Variants in ADGRG2 observed in about 807,000 individuals in gnomAD.
ADGRG2 encodes the protein G protein-coupled receptor 64.
ADGRG2 carries 26 observed loss-of-function variants against 74.1 expected under a neutral mutation model. That is an observed-to-expected ratio of 0.35 (90% CI 0.26 to 0.49). The LOEUF is 0.49. Among genes scored for constraint, ADGRG2 ranks in the 20% least tolerant of loss-of-function variants. ADGRG2 has a pLI of 0.99. For missense variants in ADGRG2, 619 were observed against 763.1 expected (o/e 0.81, Z 2.22); for synonymous variants, 296 against 295.2 (o/e 1.00, Z -0.03).
At chrX:19,046,139 C>A (rs1050359386) in intron 3 of ADGRG2, among the ~76,000 whole-genome samples, 2 of 112,518 alleles carry the variant, frequency 1.8e-5, no homozygotes, top group Non-Finnish European at 3.8e-5. Flanking sequence ...GCTGGGACTA[C>A]AGAGGTGTGG....
intron 11 of ADGRG2, among the ~76,000 whole-genome samples, chrX:19,026,480 G>A (rs754741828): frequency 1.9e-5 from 2 of 106,802 alleles, no homozygotes; most frequent in Admixed American, 2.0e-4. Flanking sequence ...TTGACTTACT[G>A]TTTAACTGGG....
rs151329689 is a variant in ADGRG2 at position 19,000,293 on chromosome X, G to A, written c.2231-333C>T. The stretch of plus-strand genomic sequence containing the variant: ...ATTGCAGGCGTGAGCCACCGCACCC[G>A]GCTGGTCACACCTAGTTCTAATAAC... On this transcript the variant is annotated intron_variant, in intron 24 of 28. Transcript: ENST00000379869. Among the ~76,000 whole-genome samples, 759 of 111,397 alleles carry A rather than the reference G, an allele frequency of 6.8e-3. 1 individual carries two copies. Among genetic ancestry groups the A allele is most frequent in the South Asian group, 0.015 (41 of 2,690 alleles).
At chrX:19,048,868 T>C (rs1268958329) in intron 3 of ADGRG2, among the ~76,000 whole-genome samples, 3 of 112,447 alleles carry the variant, frequency 2.7e-5, no homozygotes, top group African/African-American at 9.7e-5. Context: ...TCTGACGACA[T>C]GTAAATGCTG....
intron 1 of ADGRG2, among the ~76,000 whole-genome samples, chrX:19,106,876 T>C (rs1452634028): frequency 2.7e-5 from 3 of 109,140 alleles, no homozygotes; most frequent in Non-Finnish European, 3.8e-5. Flanking sequence ...GCCGAGATCA[T>C]GCCACTGCAC....
At chrX:18,999,701 A>G (rs1268867946) in intron 25 of ADGRG2, among the ~76,000 whole-genome samples, 160 bp downstream of exon 25, 1 of 112,187 alleles carries the variant, frequency 8.9e-6, no homozygotes. Flanking sequence ...ATTTCCAGCT[A>G]GCTTCTCTCA....
At chrX:19,101,101 T>TG (rs2062180545) in intron 1 of ADGRG2, among the ~76,000 whole-genome samples, 1 of 89,844 alleles carries the variant, frequency 1.1e-5, no homozygotes, top group African/African-American at 4.1e-5. Context: ...AATCATGAGA[T>TG]TGTGTGTGTG....
intron 1 of ADGRG2, among the ~76,000 whole-genome samples, chrX:19,094,507 G>A (rs1179440503): frequency 9.0e-6 from 1 of 111,144 alleles, no homozygotes; most frequent in African/African-American, 3.3e-5. Context: ...GAGAGAGGAG[G>A]AGGAGGTATG....
chrX:19,018,681 C>A (rs2060520913), intron 15 of ADGRG2, among the ~76,000 whole-genome samples: 1 of 111,410 alleles, frequency 9.0e-6, no homozygotes, highest in Admixed American at 9.6e-5. Flanking sequence ...TCTCAGATCA[C>A]TGGGGAAAAG....
chrX:19,107,049 T>C (rs1404079565), intron 1 of ADGRG2, among the ~76,000 whole-genome samples: 1 of 111,219 alleles, frequency 9.0e-6, no homozygotes, highest in East Asian at 2.8e-4. Context: ...CATCCATCAG[T>C]GGGCAACGGG....
At chrX:19,113,867 G>A (rs763853238) in intron 1 of ADGRG2, among the ~76,000 whole-genome samples, 3 of 110,829 alleles carry the variant, frequency 2.7e-5, no homozygotes, top group East Asian at 5.6e-4. Context: ...CCAGGAATTC[G>A]AGACCAACCT....
At position 19,115,641 on chromosome X, in the gene ADGRG2, G is replaced by C. The variant is rs148123149; in HGVS notation, c.-47+6801C>G. On this transcript the variant is annotated intron_variant, in intron 1 of 28. Transcript: ENST00000379869. The stretch of plus-strand genomic sequence containing the variant: ...AGAATAGGGAGTAAAGGAGGTACCA[G>C]TGAGGCCCTAGGGATTGATTGTAAG... 4.9e-3 allele frequency among the ~76,000 whole-genome samples: 541 copies of C among 111,403 alleles called. 3 individuals are homozygous for C. Among genetic ancestry groups the C allele is most frequent in the African/African-American group, 0.017 (510 of 30,644 alleles).
intron 1 of ADGRG2, among the ~76,000 whole-genome samples, chrX:19,107,971 G>GGA: frequency 9.4e-6 from 1 of 106,669 alleles, no homozygotes; most frequent in Non-Finnish European, 1.9e-5. Context: ...GTGGTGGCAC[G>GGA]CACCTGTAGT....
At chrX:19,084,796 A>G (rs2061912144) in intron 1 of ADGRG2, among the ~76,000 whole-genome samples, 1 of 112,097 alleles carries the variant, frequency 8.9e-6, no homozygotes, top group African/African-American at 3.2e-5. Flanking sequence ...TTAATGAACA[A>G]CAGGAGGCTC....
At chrX:19,053,588 C>A (rs2061361816) in intron 3 of ADGRG2, among the ~76,000 whole-genome samples, 1 of 111,779 alleles carries the variant, frequency 8.9e-6, no homozygotes. Context: ...CCCATCTGCA[C>A]TTCAGTTTCC....
intron 1 of ADGRG2, among the ~76,000 whole-genome samples, chrX:19,106,919 C>CA (rs764991533): frequency 0.07 from 7,185 of 102,921 alleles, 649 homozygotes; most frequent in African/African-American, 0.24. Context: ...GACTCTGTCT[C>CA]AAAAAAAAAA....
intron 3 of ADGRG2, among the ~76,000 whole-genome samples, chrX:19,055,964 C>T (rs1208417570): frequency 1.8e-5 from 2 of 109,886 alleles, no homozygotes; most frequent in Non-Finnish European, 3.8e-5. Flanking sequence ...GAACCCCTGA[C>T]CTCAGGTGAT....
chrX:19,093,902 T>TACACACACACAC (rs61296210), intron 1 of ADGRG2, among the ~76,000 whole-genome samples: 31 of 100,194 alleles, frequency 3.1e-4, no homozygotes, highest in African/African-American at 1.1e-3. Flanking sequence ...TATGTAGGTA[T>TACACACACACAC]ACACACACAC....
At position 19,001,349 on chromosome X, in the gene ADGRG2, T is replaced by A. The variant is rs775783771; in HGVS notation, c.2231-1389A>T. Among the ~76,000 whole-genome samples the A allele has an allele frequency of 1.3e-4, 15 of 111,442 alleles. No individual in the cohort carries two copies. The South Asian group carries it at 3.0e-3, about 22-fold the overall frequency. ...CCAGCCCCATGCCACCGCCCCACAC[T>A]CTGCACACTGACCAGCAGACGTCCT... On this transcript the variant is annotated intron_variant, in intron 24 of 28. Transcript: ENST00000379869.
rs139473563 is a variant in ADGRG2 at position 19,091,394 on chromosome X, T to G, written c.-46-8648A>C. The stretch of plus-strand genomic sequence containing the variant: ...GGGGTCCAGTTTGGAATTTTAGCTC[T>G]CCATTCTCAAACATTGTTCTGAAGG... On this transcript the variant is annotated intron_variant, in intron 1 of 28. Coordinates refer to ENST00000379869, the MANE Select transcript of ADGRG2 (RefSeq NM_001079858.3). Among the ~76,000 whole-genome samples, 13 of 110,058 alleles carry G rather than the reference T, an allele frequency of 1.2e-4. No homozygotes were observed. In the East Asian group the frequency reaches 3.1e-3, roughly 27 times the overall value.
Sources: allele counts gnomAD v4.1 joint callset (sites outside exome capture counted in the v4.1 genomes callset), GRCh38; gene constraint gnomAD v4.1.1; transcripts MANE v1.5; gene names NCBI Gene and HGNC (gene_info 2026-07-23, HGNC 2026-07-21).